The following STAT1 variants were observed in gnomAD, a reference collection of about 807,000 sequenced individuals.
STAT1 encodes the protein signal transducer and activator of transcription 1.
Under a neutral mutation model 111.7 loss-of-function variants are expected in STAT1, and 24 were observed. The observed-to-expected ratio is 0.21, with a 90% CI of 0.16 to 0.30. The LOEUF (loss-of-function observed/expected upper bound fraction) is 0.30. Among genes scored for constraint, STAT1 ranks in the 10% least tolerant of loss-of-function variants. STAT1 has a pLI of 1.00. For synonymous variants in STAT1, 332 were observed against 326.5 expected (o/e 1.02, Z -0.18); for missense variants, 351 against 911.9 (o/e 0.38, Z 7.92).
Position 190,970,578 on chromosome 2 carries a change from C to T in STAT1, c.*125G>A, listed in dbSNP as rs1691377027. On this transcript the variant is annotated 3_prime_UTR_variant, in exon 25 of 25. Transcript: ENST00000361099. The surrounding 1 kb of genome is among the most constrained non-coding windows in gnomAD (Gnocchi z 5.4). ...AAATTCACTTGCTATCAACAGGTTG[C>T]AGCGAATTTGCTGGCCTTTCTTTCA... 3.8e-6 allele frequency: 4 copies of T among 1,055,954 alleles called. No homozygotes were observed. The highest frequency in any genetic ancestry group is 4.4e-6 in the Non-Finnish European group (3 of 684,530). 65.4% of individuals were successfully genotyped at this position (1,055,954 alleles called of 1,614,324 possible).
In STAT1 at chr2:190,993,362, TC is replaced by T. The variant is rs1693543403; in HGVS notation, c.944+1698del. 8.1e-6 allele frequency: 9 copies of T among 1,108,902 alleles called. No individual in the cohort carries two copies. Among genetic ancestry groups the T allele is most frequent in the Non-Finnish European group, 1.1e-5 (8 of 744,758 alleles). The allele number at this position is 1,108,902 out of a possible 1,614,324, so 68.7% of individuals were successfully genotyped here. ...GATGACTGTTCGAAACCTTTCCTGT[TC>T]TGCTGTGTTCCATATTTGAAGCTTG... On this transcript the variant is annotated intron_variant, in intron 10 of 24. Transcript: ENST00000361099. This position sits in a 1 kb window ranked among gnomAD's most constrained non-coding sequence, Gnocchi z 4.1.
chr2:191,010,350 A>C, intron 2 of STAT1: 1 of 473,698 alleles, frequency 2.1e-6, no homozygotes, highest in South Asian at 1.5e-5. Flanking sequence ...TAGTACTTAC[A>C]CCACCATCTG....
At chr2:191,013,956 G>C (rs934886780) in intron 1 of STAT1, 62 bp downstream of exon 1, 16 of 297,046 alleles carry the variant, frequency 5.4e-5, no homozygotes, top group African/African-American at 3.0e-4. Context: ...CCAACTGCAC[G>C]GCCCGAGGAC....
rs1193688609 is a variant in STAT1 at position 190,986,432 on chromosome 2, G to A, written c.1221+422C>T. 6.6e-6 allele frequency among the ~76,000 whole-genome samples: 1 copy of A among 152,178 alleles called. No homozygotes were observed. Among genetic ancestry groups the A allele is most frequent in the Non-Finnish European group, 1.5e-5 (1 of 68,040 alleles). On this transcript the variant is annotated intron_variant, in intron 14 of 24. Coordinates refer to ENST00000361099, the MANE Select transcript of STAT1 (RefSeq NM_007315.4). This position sits in a 1 kb window ranked among gnomAD's most constrained non-coding sequence, Gnocchi z 5.0. ...TAGAGTCAGGCTGGCGTGGAGGCAG[G>A]GGCTGTGGGCAGGGCCACCAGGAAG...
At position 190,978,267 on chromosome 2, in the gene STAT1, T is replaced by C. The variant is rs893155100; in HGVS notation, c.1873+589A>G. On this transcript the variant is annotated intron_variant, in intron 21 of 24. Transcript: ENST00000361099. The surrounding 1 kb of genome is among the most constrained non-coding windows in gnomAD (Gnocchi z 6.1). ...GATTTTTTCATTTACGCTGTTGAGC[T>C]TCACCCTCAGAAACCTGCTTCATAA... 2.0e-5 allele frequency among the ~76,000 whole-genome samples: 3 copies of C among 152,234 alleles called. No individual in the cohort carries two copies. The highest frequency in any genetic ancestry group is 7.2e-5 in the African/African-American group (3 of 41,464).
chr2:190,998,802 G>GTTA lies in STAT1; in HGVS notation c.542-497_542-495dup, dbSNP rs141805447. Among the ~76,000 whole-genome samples the GTTA allele has an allele frequency of 6.6e-6, 1 of 151,160 alleles. No individual in the cohort carries two copies. The highest frequency in any genetic ancestry group is 2.1e-4 in the South Asian group (1 of 4,804). On this transcript the variant is annotated intron_variant, in intron 7 of 24. Coordinates refer to ENST00000361099, the MANE Select transcript of STAT1 (RefSeq NM_007315.4). The surrounding 1 kb of genome is among the most constrained non-coding windows in gnomAD (Gnocchi z 4.1). ...AAATGTAAATAACATTAATAATAAT[G>GTTA]TTATTATTATTATAAAAATAAATGT... is the stretch of plus-strand genomic sequence containing the variant.
At position 190,984,355 on chromosome 2, in the gene STAT1, A is replaced by G. The variant is rs1462301837; in HGVS notation, c.1302T>C (p.Ser434=). Reference sequence around the variant, plus strand: ...CAGGCTGGCACAATTGGGTTTCAAAACTAAGGGAGTGAAGCTCTTCAGTAA... The same window carrying G: ...CAGGCTGGCACAATTGGGTTTCAAAGCTAAGGGAGTGAAGCTCTTCAGTAA... ...LIVTEELHSL[S]FETQLCQPGL... is the part of the protein sequence containing the mutation. Residue 434 remains serine (S), a synonymous_variant, in exon 16 of 25, where the codon AGT becomes AGC. Transcript: ENST00000361099. This position sits in a 1 kb window ranked among gnomAD's most constrained non-coding sequence, Gnocchi z 5.2. 1 of 1,614,182 alleles carries G rather than the reference A, an allele frequency of 6.2e-7. No individual in the cohort carries two copies. Among genetic ancestry groups the G allele is most frequent in the Admixed American group, 1.7e-5 (1 of 60,034 alleles).
In STAT1 at chr2:190,982,296, C is replaced by G; in HGVS notation, c.1582+87G>C. The G allele has an allele frequency of 6.5e-7, 1 of 1,527,744 alleles. No homozygotes were observed. Among genetic ancestry groups the G allele is most frequent in the Non-Finnish European group, 9.0e-7 (1 of 1,106,108 alleles). 94.6% of individuals were successfully genotyped at this position (1,527,744 alleles called of 1,614,324 possible). On this transcript the variant is annotated intron_variant, in intron 18 of 24. Coordinates refer to ENST00000361099, the MANE Select transcript of STAT1 (RefSeq NM_007315.4). This position sits in a 1 kb window ranked among gnomAD's most constrained non-coding sequence, Gnocchi z 7.3. ...GATTTTAGTACTTTTTTACCTTTAA[C>G]AAAATAGCAGAGGGGAAAAGAGCAA...
Position 190,980,652 on chromosome 2 carries a change from C to T in STAT1, c.1600G>A (p.Asp534Asn). The change falls in exon 19 of 25, where the codon GAT becomes AAT. Residue 534 changes from aspartate (D) to asparagine (N), a missense_variant. Physicochemically the swap from Asp to Asn is conservative, Grantham distance 23. Transcript: ENST00000361099. The surrounding 1 kb of genome is among the most constrained non-coding windows in gnomAD (Gnocchi z 6.1). ...AACCTCGTCCACGGAATGAGACCAT[C>T]GGGGCTGGCGTTAGGACCTAAACAA... ...EKLLGPNASP[D>N]GLIPWTRFCK... 1.2e-6 allele frequency: 2 copies of T among 1,614,194 alleles called. No homozygotes were observed. The highest frequency in any genetic ancestry group is 1.7e-6 in the Non-Finnish European group (2 of 1,180,028).
rs1190058198 is a variant in STAT1, at chr2:190,969,443, TAGAC to T, written c.*1256_*1259del. 1.3e-5 allele frequency: 2 copies of T among 152,214 alleles called. No homozygotes were observed. The highest frequency in any genetic ancestry group is 4.8e-5 in the African/African-American group (2 of 41,464). 9.4% of individuals were successfully genotyped at this position (152,214 alleles called of 1,614,324 possible). On this transcript the variant is annotated 3_prime_UTR_variant, in exon 25 of 25. Transcript: ENST00000361099. ...AGTGGAAAAACAAGATACAGCCACA[TAGAC>T]AGCAGTATGTAAAAGGGAAGAACCT...
Position 190,989,306 on chromosome 2 carries a change from T to G in STAT1, c.1097+309A>C, listed in dbSNP as rs1479040393. On this transcript the variant is annotated intron_variant, in intron 12 of 24. Transcript: ENST00000361099. The surrounding 1 kb of genome is among the most constrained non-coding windows in gnomAD (Gnocchi z 5.0). ...CTCACTCTTTTGTTCATTTATAGTCTAAAAAGGCACAGGAATGTTGATACC... is the reference window on the plus strand; with the variant it reads ...CTCACTCTTTTGTTCATTTATAGTCGAAAAAGGCACAGGAATGTTGATACC... 6.6e-6 allele frequency among the ~76,000 whole-genome samples: 1 copy of G among 152,186 alleles called. No homozygotes were observed. Among genetic ancestry groups the G allele is most frequent in the African/African-American group, 2.4e-5 (1 of 41,440 alleles).
Position 190,987,164 on chromosome 2 carries a change from G to A in STAT1, c.1098-96C>T. ...AGTATAAGAGCATAAGAGTGTAAGTGAATGATGAATAAAAAATAAATCTAC... is the reference window on the plus strand; with the variant it reads ...AGTATAAGAGCATAAGAGTGTAAGTAAATGATGAATAAAAAATAAATCTAC... On this transcript the variant is annotated intron_variant, in intron 12 of 24. Coordinates refer to ENST00000361099, the MANE Select transcript of STAT1 (RefSeq NM_007315.4). The surrounding 1 kb of genome is among the most constrained non-coding windows in gnomAD (Gnocchi z 4.0). 1 of 926,236 alleles carries A rather than the reference G, an allele frequency of 1.1e-6. No homozygotes were observed. The highest frequency in any genetic ancestry group is 1.4e-5 in the South Asian group (1 of 70,038). The allele number at this position is 926,236 out of a possible 1,614,324, so 57.4% of individuals were successfully genotyped here.
At position 191,012,242 on chromosome 2, in the gene STAT1, G is replaced by A. The variant is rs1217006697; in HGVS notation, c.-2+1283C>T. Among the ~76,000 whole-genome samples the A allele has an allele frequency of 3.3e-5, 5 of 151,652 alleles. No individual in the cohort carries two copies. The highest frequency in any genetic ancestry group is 7.3e-5 in the African/African-American group (3 of 41,284). On this transcript the variant is annotated intron_variant, in intron 2 of 24. Coordinates refer to ENST00000361099, the MANE Select transcript of STAT1 (RefSeq NM_007315.4). This position sits in a 1 kb window ranked among gnomAD's most constrained non-coding sequence, Gnocchi z 4.0. ...AGCCTGGGCAACATGGTGAAACCTT[G>A]TCTCTACTAAAATACAAAAAAAAAT...
chr2:190,995,026 T>A lies in STAT1; in HGVS notation c.944+35A>T, dbSNP rs1457261297. ...TAAAATGTTCCTCTGTATAGACCGA[T>A]TACAGAAGGTACAAATAAATGTCCC... On this transcript the variant is annotated intron_variant, in intron 10 of 24. Transcript: ENST00000361099. The surrounding 1 kb of genome is among the most constrained non-coding windows in gnomAD (Gnocchi z 4.2). 1 of 1,604,398 alleles carries A rather than the reference T, an allele frequency of 6.2e-7. No homozygotes were observed. Among genetic ancestry groups the A allele is most frequent in the Non-Finnish European group, 8.5e-7 (1 of 1,172,894 alleles).
Position 190,970,846 on chromosome 2 carries a change from C to A in STAT1, c.2239-129G>T. 1.1e-6 allele frequency: 1 copy of A among 895,648 alleles called. No individual in the cohort carries two copies. The highest frequency in any genetic ancestry group is 1.4e-5 in the South Asian group (1 of 72,360). The allele number at this position is 895,648 out of a possible 1,614,324, so 55.5% of individuals were successfully genotyped here. A position where few individuals can be genotyped will look rare whatever the true frequency, so the allele number is the denominator to read the frequency against. On this transcript the variant is annotated intron_variant, in intron 24 of 24. Transcript: ENST00000361099. This position sits in a 1 kb window ranked among gnomAD's most constrained non-coding sequence, Gnocchi z 5.4. ...GATACTTGCAATGGCAAATAAATACCGTGGAATAAGAGGGCCTTCAGCATG... is the reference window on the plus strand; with the variant it reads ...GATACTTGCAATGGCAAATAAATACAGTGGAATAAGAGGGCCTTCAGCATG...
At chr2:190,972,864 AT>A (rs1175568112) in intron 24 of STAT1, among the ~76,000 whole-genome samples, 9 of 140,146 alleles carry the variant, frequency 6.4e-5, no homozygotes, top group Non-Finnish European at 1.4e-4. Context: ...AAATGGATTT[AT>A]TTTATTCTAC....
chr2:190,995,068 T>C lies in STAT1; in HGVS notation c.937A>G (p.Ile313Val), dbSNP rs2125061671. 4 of 1,611,512 alleles carry C rather than the reference T, an allele frequency of 2.5e-6. No individual in the cohort carries two copies. The highest frequency in any genetic ancestry group is 2.2e-5 in the South Asian group (2 of 91,014). The stretch of plus-strand genomic sequence containing the variant: ...AAATGTCCCTTGAGTTACCTCTGAA[T>C]GAGCTGCTGGAAAAGACTGAAGGTG... ...DRTFSLFQQL[I>V]QSSFVVERQP... is the part of the protein sequence containing the mutation. The change falls in exon 10 of 25, where the codon ATT becomes GTT. Residue 313 changes from isoleucine to valine, a missense_variant. Physicochemically the swap from Ile to Val is conservative, Grantham distance 29. Around this residue, in one of 7 missense-constraint regions of STAT1, gnomAD observed 23 missense variants for 123.1 expected, o/e 0.19. Transcript: ENST00000361099. This position sits in a 1 kb window ranked among gnomAD's most constrained non-coding sequence, Gnocchi z 4.2.
chr2:190,988,425 C>T (rs1197084620), intron 12 of STAT1, among the ~76,000 whole-genome samples: 5 of 152,224 alleles, frequency 3.3e-5, no homozygotes, highest in Non-Finnish European at 7.3e-5. Context: ...GTCACCCAGG[C>T]TGGAGTGCAG....
At chr2:190,994,682 A>G (rs1447096177) in intron 10 of STAT1, among the ~76,000 whole-genome samples, 2 of 152,024 alleles carry the variant, frequency 1.3e-5, no homozygotes, top group Admixed American at 6.5e-5. Flanking sequence ...GCACTTTGGG[A>G]GGCCGAGGAG....
Sources: allele counts gnomAD v4.1 joint callset (sites outside exome capture counted in the v4.1 genomes callset), GRCh38; gene constraint gnomAD v4.1.1; regional missense constraint gnomAD v4.1.1; non-coding constraint Gnocchi (gnomAD v3.1); transcripts MANE v1.5; gene names NCBI Gene and HGNC (gene_info 2026-07-23, HGNC 2026-07-21).